The following CFAP54 variants were observed in gnomAD, a reference collection of about 807,000 sequenced individuals.
CFAP54 encodes the protein cilia- and flagella-associated protein 54.
Under a neutral mutation model 370.4 loss-of-function variants are expected in CFAP54, and 290 were observed. The ratio of observed to expected loss-of-function variants is 0.78; its 90% CI spans 0.71 to 0.86. The LOEUF (loss-of-function observed/expected upper bound fraction) is 0.86. Ranked by LOEUF, CFAP54 falls within the 40% of genes least tolerant of loss-of-function variation. CFAP54 has a pLI of 0.00. For synonymous variants in CFAP54, 1,206 were observed against 1,236.5 expected, an observed-to-expected ratio of 0.98 and a Z score of 0.52; for missense variants, 3,399 against 3,528.7, an observed-to-expected ratio of 0.96 and a Z score of 0.93.
intron 63 of CFAP54, among the ~76,000 whole-genome samples, chr12:96,806,286 G>A (rs1404777545): frequency 6.9e-6 from 1 of 145,558 alleles, no homozygotes; most frequent in East Asian, 2.1e-4. Flanking sequence ...GACAGTCCAA[G>A]GCAAAGTATT....
chr12:96,626,116 G>A (rs1956546986), intron 29 of CFAP54, among the ~76,000 whole-genome samples: 1 of 152,170 alleles, frequency 6.6e-6, no homozygotes, highest in African/African-American at 2.4e-5. Context: ...GGGCGCAGAA[G>A]CTCACGCCTG....
At chr12:96,503,713 CAT>C (rs1473722523) in intron 2 of CFAP54, among the ~76,000 whole-genome samples, 171 bp from the exon 3 acceptor site, 3 of 152,120 alleles carry the variant, frequency 2.0e-5, no homozygotes, top group African/African-American at 7.2e-5. Flanking sequence ...AATGCACATA[CAT>C]TGTATAGTGC....
intron 19 of CFAP54, among the ~76,000 whole-genome samples, chr12:96,571,500 G>A (rs1490462596): frequency 6.6e-6 from 1 of 152,072 alleles, no homozygotes; most frequent in Non-Finnish European, 1.5e-5. Flanking sequence ...TAGGCACTGT[G>A]GTAGGTAGTA....
At chr12:96,802,157 A>C (rs1364271891) in intron 63 of CFAP54, among the ~76,000 whole-genome samples, 1 of 151,930 alleles carries the variant, frequency 6.6e-6, no homozygotes, top group African/African-American at 2.4e-5. Flanking sequence ...GGACAAGAAA[A>C]CCAGTCTCTC....
intron 67 of CFAP54, among the ~76,000 whole-genome samples, chr12:96,870,195 A>C (rs1960119241): frequency 6.6e-6 from 1 of 152,002 alleles, no homozygotes; most frequent in Non-Finnish European, 1.5e-5. Flanking sequence ...TGGGAGGTGG[A>C]AGTTGCAGTG....
At chr12:96,515,978 C>T (rs1202248016) in intron 5 of CFAP54, among the ~76,000 whole-genome samples, 6 of 143,372 alleles carry the variant, frequency 4.2e-5, no homozygotes, top group Middle Eastern at 3.8e-3. Flanking sequence ...TGCAGTGGCG[C>T]GGTCTTGGCT....
intron 39 of CFAP54, 88 bp downstream of exon 39, chr12:96,664,020 AT>A (rs1450048197): frequency 1.0e-6 from 1 of 962,286 alleles, no homozygotes; most frequent in East Asian, 2.5e-5. Context: ...CATAATTAGT[AT>A]GTTTGTAAAA....
chr12:96,809,667 T>G (rs1958912510), intron 63 of CFAP54, among the ~76,000 whole-genome samples: 1 of 152,194 alleles, frequency 6.6e-6, no homozygotes, highest in Non-Finnish European at 1.5e-5. Flanking sequence ...TAGTGACTCT[T>G]GACTGTCTAC....
chr12:96,627,558 A>T (rs1956560976), intron 30 of CFAP54, among the ~76,000 whole-genome samples: 1 of 152,230 alleles, frequency 6.6e-6, no homozygotes, highest in Non-Finnish European at 1.5e-5. Flanking sequence ...AAACAGTAAC[A>T]TGAAACCTGT....
intron 32 of CFAP54, among the ~76,000 whole-genome samples, chr12:96,642,354 A>G (rs1956740689): frequency 6.6e-6 from 1 of 152,298 alleles, no homozygotes; most frequent in East Asian, 1.9e-4. Context: ...TGTGAGGGCT[A>G]CTGATGTGGC....
At chr12:96,521,293 A>T (rs1465084093) in intron 6 of CFAP54, among the ~76,000 whole-genome samples, 1 of 152,174 alleles carries the variant, frequency 6.6e-6, no homozygotes, top group African/African-American at 2.4e-5. Context: ...TCTCTAGAGG[A>T]TTATAATAAT....
chr12:96,734,776 A>G (rs1050097061), intron 50 of CFAP54, among the ~76,000 whole-genome samples: 1 of 152,178 alleles, frequency 6.6e-6, no homozygotes, highest in African/African-American at 2.4e-5. Flanking sequence ...CAAAATTACA[A>G]CTGACTACAA....
At chr12:96,645,426 A>G in intron 33 of CFAP54, 1 of 230,654 alleles carries the variant, frequency 4.3e-6, no homozygotes, top group Non-Finnish European at 9.0e-6. Context: ...AGAACTACAA[A>G]CCACTGCTCA....
chr12:96,577,982 A>G (rs368587828), intron 20 of CFAP54, among the ~76,000 whole-genome samples: 5 of 152,134 alleles, frequency 3.3e-5, no homozygotes, highest in East Asian at 3.9e-4. Context: ...GAATCGCTTG[A>G]ACCTGGGAGG....
At chr12:96,490,050 G>A in intron 1 of CFAP54, 124 bp downstream of exon 1, 1 of 849,910 alleles carries the variant, frequency 1.2e-6, no homozygotes, top group Middle Eastern at 2.9e-4. Context: ...CTGGCTGAAG[G>A]GCCCAGGAGA....
intron 8 of CFAP54, among the ~76,000 whole-genome samples, 178 bp downstream of exon 8, chr12:96,522,367 T>C (rs767791561): frequency 6.6e-6 from 1 of 152,244 alleles, no homozygotes; most frequent in Non-Finnish European, 1.5e-5. Flanking sequence ...CTTCATCTCT[T>C]TCTCAAAGCT....
intron 3 of CFAP54, among the ~76,000 whole-genome samples, chr12:96,506,105 C>T (rs1381405512): frequency 2.6e-5 from 4 of 151,998 alleles, no homozygotes; most frequent in South Asian, 2.1e-4. Context: ...TTTGGGAGGC[C>T]GAGGCAGGCG....
intron 66 of CFAP54, among the ~76,000 whole-genome samples, chr12:96,860,351 T>C (rs980564771): frequency 6.6e-6 from 1 of 152,168 alleles, no homozygotes; most frequent in Non-Finnish European, 1.5e-5. Context: ...TTTCCATTTT[T>C]CAGCCTGCCC....
At position 96,859,392 on chromosome 12, in the gene CFAP54, TGTTTG is replaced by T. The variant is rs772472863; in HGVS notation, c.9172-1426_9172-1422del. On this transcript the variant is annotated intron_variant, in intron 66 of 67. Coordinates refer to ENST00000524981, the MANE Select transcript of CFAP54 (RefSeq NM_001306084.2). ...CAGTCCTACTCCAGAATGCACTTTTTGTTTGTTTGTTTGTTTGTTTTGTTTTTTGT... is the reference window on the plus strand; with the variant it reads ...CAGTCCTACTCCAGAATGCACTTTTTTTTGTTTGTTTGTTTTGTTTTTTGT... 6.6e-5 allele frequency among the ~76,000 whole-genome samples: 10 copies of T among 151,742 alleles called. 1 individual carries two copies. The East Asian group carries it at 7.8e-4, about 12-fold the overall frequency.
Sources: allele counts gnomAD v4.1 joint callset (sites outside exome capture counted in the v4.1 genomes callset), GRCh38; gene constraint gnomAD v4.1.1; transcripts MANE v1.5; gene names NCBI Gene and HGNC (gene_info 2026-07-23, HGNC 2026-07-21).